The following KIAA1549L variants were observed in gnomAD, a reference collection of about 807,000 sequenced individuals.
The protein encoded by KIAA1549L is KIAA1549 like, also known as UPF0606 protein KIAA1549L.
In KIAA1549L, 88 loss-of-function variants were observed where a neutral mutation model predicts 160.7. That is an observed-to-expected ratio of 0.55 (90% confidence interval 0.46 to 0.65). The LOEUF is 0.65. KIAA1549L is among the 30% of genes least tolerant of loss of function. The pLI is 0.00. For synonymous variants in KIAA1549L, 950 were observed against 976.7 expected, an observed-to-expected ratio of 0.97 and a Z score of 0.51; for missense variants, 2,258 against 2,437.5, an observed-to-expected ratio of 0.93 and a Z score of 1.55.
At chr11:33,490,449 G>C (rs992083310) in intron 1 of KIAA1549L, among the ~76,000 whole-genome samples, 1 of 151,090 alleles carries the variant, frequency 6.6e-6, no homozygotes, top group East Asian at 1.9e-4. Flanking sequence ...TCAGCCTCCC[G>C]AGTAGCTGGG....
chr11:33,632,159 C>G (rs905990613), intron 16 of KIAA1549L, among the ~76,000 whole-genome samples: 1 of 152,152 alleles, frequency 6.6e-6, no homozygotes, highest in Non-Finnish European at 1.5e-5. Flanking sequence ...TACGGTAAAT[C>G]CAGGCATGGT....
intron 1 of KIAA1549L, among the ~76,000 whole-genome samples, chr11:33,470,667 T>C (rs959523882): frequency 1.3e-5 from 2 of 152,112 alleles, no homozygotes; most frequent in African/African-American, 4.8e-5. Flanking sequence ...TCTTGAACTC[T>C]TGAGTTCAAG....
At chr11:33,437,569 G>A (rs952611163) in intron 1 of KIAA1549L, among the ~76,000 whole-genome samples, 1 of 152,206 alleles carries the variant, frequency 6.6e-6, no homozygotes, top group East Asian at 1.9e-4. Flanking sequence ...ATTACACTTT[G>A]TACCTTACAG....
chr11:33,511,957 G>C (rs985486851), intron 1 of KIAA1549L, among the ~76,000 whole-genome samples: 1 of 152,150 alleles, frequency 6.6e-6, no homozygotes, highest in Non-Finnish European at 1.5e-5. Flanking sequence ...AGTTAGCTGC[G>C]ATTAGGTTGA....
At chr11:33,501,204 G>A (rs992984287) in intron 1 of KIAA1549L, among the ~76,000 whole-genome samples, 1 of 152,192 alleles carries the variant, frequency 6.6e-6, no homozygotes, top group South Asian at 2.1e-4. Flanking sequence ...GAGAAAAGAA[G>A]ACAGACCTTT....
At chr11:33,557,116 C>T (rs1854675283) in intron 6 of KIAA1549L, among the ~76,000 whole-genome samples, 1 of 152,060 alleles carries the variant, frequency 6.6e-6, no homozygotes, top group Admixed American at 6.5e-5. Flanking sequence ...GCCTCCCAAG[C>T]AGCTGGGACT....
Position 33,542,392 on chromosome 11 carries a change from GCTCCAGCCGACCC to G in KIAA1549L, c.833_845del (p.Pro278LeufsTer2), listed in dbSNP as rs1854048755. 1.5e-6 allele frequency: 2 copies of G among 1,368,644 alleles called. No homozygotes were observed. Among genetic ancestry groups the G allele is most frequent in the Admixed American group, 4.4e-5 (2 of 45,520 alleles). The allele number at this position is 1,368,644 out of a possible 1,614,324, so 84.8% of individuals were successfully genotyped here. On this transcript the variant is annotated frameshift_variant, in exon 2 of 21. Coordinates refer to ENST00000658780, the MANE Select transcript of KIAA1549L (RefSeq NM_012194.3). LOFTEE classifies it high-confidence loss of function. ...CAAAGTGCTGTTAGTTCCCCAAACA[GCTCCAGCCGACCC>G]CTCTTTAGGTCAGAACATAGCTAAT...
intron 1 of KIAA1549L, among the ~76,000 whole-genome samples, chr11:33,407,349 CTTTT>C (rs888095739): frequency 2.2e-4 from 33 of 147,848 alleles, no homozygotes; most frequent in African/African-American, 7.7e-4. Flanking sequence ...AGTCCTTTTT[CTTTT>C]TCTTTTTTGA....
chr11:33,523,965 T>G (rs1454640200), intron 1 of KIAA1549L, among the ~76,000 whole-genome samples: 1 of 152,192 alleles, frequency 6.6e-6, no homozygotes, highest in Non-Finnish European at 1.5e-5. Flanking sequence ...AAATCTTGAT[T>G]GGATTTTGGT....
chr11:33,557,036 G>A (rs1355500615), intron 6 of KIAA1549L, among the ~76,000 whole-genome samples: 1 of 152,182 alleles, frequency 6.6e-6, no homozygotes, highest in African/African-American at 2.4e-5. Context: ...CTCCCAGGCT[G>A]GGGTGCAGTG....
chr11:33,497,980 A>G (rs1852858485), intron 1 of KIAA1549L, among the ~76,000 whole-genome samples: 1 of 152,098 alleles, frequency 6.6e-6, no homozygotes, highest in African/African-American at 2.4e-5. Context: ...TCTGAACCTT[A>G]TCTCCTCATC....
intron 10 of KIAA1549L, among the ~76,000 whole-genome samples, chr11:33,577,574 G>C (rs1855493941): frequency 6.6e-6 from 1 of 152,164 alleles, no homozygotes; most frequent in Non-Finnish European, 1.5e-5. Context: ...GGGACACTTG[G>C]TGATGGAAGC....
At chr11:33,639,386 TA>T (rs1471455722) in intron 16 of KIAA1549L, among the ~76,000 whole-genome samples, 6 of 152,176 alleles carry the variant, frequency 3.9e-5, no homozygotes, top group Non-Finnish European at 5.9e-5. Flanking sequence ...AGGAATGGCT[TA>T]AATCTCTTCT....
chr11:33,663,092 T>C (rs1028059263), intron 20 of KIAA1549L, among the ~76,000 whole-genome samples: 1 of 152,156 alleles, frequency 6.6e-6, no homozygotes, highest in African/African-American at 2.4e-5. Context: ...TGCAGGAGGC[T>C]CAGAGAGACC....
chr11:33,660,092 G>A (rs1439785703), intron 19 of KIAA1549L, among the ~76,000 whole-genome samples: 1 of 152,254 alleles, frequency 6.6e-6, no homozygotes, highest in Non-Finnish European at 1.5e-5. Context: ...AAATTCCAGA[G>A]CACTACTAGT....
intron 19 of KIAA1549L, among the ~76,000 whole-genome samples, chr11:33,659,785 G>A (rs12281967): frequency 8.5e-5 from 13 of 152,218 alleles, no homozygotes; most frequent in African/African-American, 2.9e-4. Flanking sequence ...GGCAGGTCAG[G>A]GGTGTTGGGA....
chr11:33,483,758 T>G (rs538956963), intron 1 of KIAA1549L, among the ~76,000 whole-genome samples: 1 of 152,216 alleles, frequency 6.6e-6, no homozygotes, highest in Non-Finnish European at 1.5e-5. Context: ...CCCCTTTCGC[T>G]TGGTTCCCAT....
rs577710271 is a variant in KIAA1549L at position 33,376,268 on chromosome 11, C to G, written c.-384C>G. Among the ~76,000 whole-genome samples, 577 of 148,624 alleles carry G rather than the reference C, an allele frequency of 3.9e-3. 2 individuals carry two copies. The highest frequency in any genetic ancestry group is 6.2e-3 in the Non-Finnish European group (416 of 66,640). On this transcript the variant is annotated 5_prime_UTR_variant, in exon 1 of 21. Transcript: ENST00000658780. The surrounding 1 kb of genome is among the most constrained non-coding windows in gnomAD (Gnocchi z 5.8). ...GCGGCGGGAGGGAGGGACCCGAGCG[C>G]GCCCCGCGGCCGCCACCCCCGTTCC...
At position 33,543,615 on chromosome 11, in the gene KIAA1549L, A is replaced by G. The variant is rs764995264; in HGVS notation, c.2052A>G (p.Ile684Met). The G allele has an allele frequency of 1.9e-6, 3 of 1,613,962 alleles. No individual in the cohort carries two copies. Among genetic ancestry groups the G allele is most frequent in the South Asian group, 2.2e-5 (2 of 91,088 alleles). The change falls in exon 2 of 21, where the codon ATA becomes ATG. Residue 684 changes from isoleucine (I) to methionine (M), a missense_variant. Coordinates refer to ENST00000658780, the MANE Select transcript of KIAA1549L (RefSeq NM_012194.3). ...TGGATGTATATGATTCCTTAACAAT[A>G]GGAGACATGAAAAAGCCAGCAACCA... Reference protein sequence around the residue: ...SSMDVYDSLTIGDMKKPATTD... With the variant: ...SSMDVYDSLTMGDMKKPATTD...
Sources: allele counts gnomAD v4.1 joint callset (sites outside exome capture counted in the v4.1 genomes callset), GRCh38; gene constraint gnomAD v4.1.1; non-coding constraint Gnocchi (gnomAD v3.1); transcripts MANE v1.5; gene names NCBI Gene and HGNC (gene_info 2026-07-23, HGNC 2026-07-21).